CSMD3: variants seen among roughly 807,000 people sequenced by gnomAD.
CSMD3 encodes CUB and Sushi multiple domains 3.
CSMD3 carries 177 observed loss-of-function variants against 435.2 expected under a neutral mutation model. The observed-to-expected ratio is 0.41, with a 90% CI of 0.36 to 0.46. The LOEUF (loss-of-function observed/expected upper bound fraction) is 0.46, where lower values mean the gene tolerates loss of function less well. CSMD3 is among the 20% of genes least tolerant of loss of function. The pLI is 0.34. For missense variants in CSMD3, 4,265 were observed against 4,504.6 expected (o/e 0.95, Z 1.52); for synonymous variants, 1,656 against 1,520.5 (o/e 1.09, Z -2.07).
intron 3 of CSMD3, among the ~76,000 whole-genome samples, chr8:113,175,639 AT>A (rs2092336786): frequency 6.6e-6 from 1 of 151,992 alleles, no homozygotes; most frequent in South Asian, 2.1e-4. Context: ...GAAATACTTA[AT>A]TTTTTGGAAA....
intron 13 of CSMD3, among the ~76,000 whole-genome samples, chr8:112,745,190 T>G (rs2077399120): frequency 6.6e-6 from 1 of 152,034 alleles, no homozygotes; most frequent in South Asian, 2.1e-4. Context: ...TTAACACTGT[T>G]GAGTGTTTTC....
At chr8:112,838,489 G>A (rs577544449) in intron 11 of CSMD3, among the ~76,000 whole-genome samples, 11 of 151,770 alleles carry the variant, frequency 7.2e-5, no homozygotes, top group Admixed American at 1.3e-4. Context: ...AACTTGGACT[G>A]TGGAAGTAGG....
At chr8:112,795,846 T>C (rs2078815145) in intron 13 of CSMD3, among the ~76,000 whole-genome samples, 1 of 152,182 alleles carries the variant, frequency 6.6e-6, no homozygotes, top group Non-Finnish European at 1.5e-5. Flanking sequence ...CATTAAATAC[T>C]GTGGCCAAAT....
chr8:113,146,615 C>T (rs1043761153), intron 4 of CSMD3, among the ~76,000 whole-genome samples: 1 of 151,394 alleles, frequency 6.6e-6, no homozygotes, highest in Non-Finnish European at 1.5e-5. Flanking sequence ...AAAAGAAGAC[C>T]TTCAAGGGAA....
intron 5 of CSMD3, among the ~76,000 whole-genome samples, chr8:113,062,710 A>T (rs2088669217): frequency 6.6e-6 from 1 of 151,816 alleles, no homozygotes; most frequent in Non-Finnish European, 1.5e-5. Context: ...CTTTTGTTTG[A>T]CAAAAATCTA....
At chr8:112,762,323 A>C (rs928639544) in intron 13 of CSMD3, among the ~76,000 whole-genome samples, 1 of 151,956 alleles carries the variant, frequency 6.6e-6, no homozygotes, top group Non-Finnish European at 1.5e-5. Context: ...TCATAAATAA[A>C]GGATATCGGA....
intron 1 of CSMD3, among the ~76,000 whole-genome samples, chr8:113,394,093 C>T (rs542026724): frequency 1.3e-5 from 2 of 151,548 alleles, no homozygotes; most frequent in East Asian, 3.9e-4. Context: ...AGCTTGTTGG[C>T]AAGTACAAGT....
chr8:113,234,578 C>A lies in CSMD3; in HGVS notation c.514+44014G>T, dbSNP rs982935976. Among the ~76,000 whole-genome samples, 6 of 152,132 alleles carry A rather than the reference C, an allele frequency of 3.9e-5. No individual in the cohort carries two copies. The South Asian group carries it at 1.2e-3, about 32-fold the overall frequency. On this transcript the variant is annotated intron_variant, in intron 3 of 70. Coordinates refer to ENST00000297405, the MANE Select transcript of CSMD3 (RefSeq NM_198123.2). ...TTCTACTAGAACACAAGGAAGAATTCTAGGGCAATTCTACCACTTATAACA... is the reference window on the plus strand; with the variant it reads ...TTCTACTAGAACACAAGGAAGAATTATAGGGCAATTCTACCACTTATAACA...
intron 28 of CSMD3, among the ~76,000 whole-genome samples, chr8:112,508,153 C>G (rs987621535): frequency 1.3e-5 from 2 of 152,120 alleles, no homozygotes; most frequent in Non-Finnish European, 2.9e-5. Flanking sequence ...ATTTGTCTCC[C>G]TTACTTTTCC....
chr8:112,948,108 CT>C (rs33938771), intron 8 of CSMD3, among the ~76,000 whole-genome samples: 96,302 of 151,628 alleles, frequency 0.64, 32,445 homozygotes, highest in East Asian at 0.93. Context: ...TTGTATTAGT[CT>C]TGCCTATTAA....
chr8:112,226,780 C>A (rs951943933), intron 70 of CSMD3, among the ~76,000 whole-genome samples: 1 of 152,026 alleles, frequency 6.6e-6, no homozygotes, highest in Admixed American at 6.6e-5. Flanking sequence ...GGACAAAGGG[C>A]CAACAAGCAC....
intron 13 of CSMD3, among the ~76,000 whole-genome samples, chr8:112,755,128 G>C (rs967553702): frequency 3.3e-5 from 5 of 151,854 alleles, no homozygotes; most frequent in Non-Finnish European, 7.4e-5. Flanking sequence ...TCAGCAGATC[G>C]AGACCATCTT....
chr8:112,695,241 A>G (rs1334294011), intron 13 of CSMD3, among the ~76,000 whole-genome samples: 1 of 152,206 alleles, frequency 6.6e-6, no homozygotes, highest in Non-Finnish European at 1.5e-5. Context: ...ATAATTCCAC[A>G]CAGACATATC....
rs5894124 is a variant in CSMD3 at position 113,074,166 on chromosome 8, G to GAC, written c.917+24588_917+24589dup. On this transcript the variant is annotated intron_variant, in intron 5 of 70. Coordinates refer to ENST00000297405, the MANE Select transcript of CSMD3 (RefSeq NM_198123.2). Reference sequence around the variant, plus strand: ...AAATAAGACTTAAAGCACACACAGAGACACACACACACACACACACACACG... The same window carrying GAC: ...AAATAAGACTTAAAGCACACACAGAGACACACACACACACACACACACACACG... Among the ~76,000 whole-genome samples, 808 of 149,112 alleles carry GAC rather than the reference G, an allele frequency of 5.4e-3. 4 individuals carry two copies. Among genetic ancestry groups the GAC allele is most frequent in the Non-Finnish European group, 8.8e-3 (590 of 66,770 alleles).
intron 32 of CSMD3, among the ~76,000 whole-genome samples, chr8:112,463,229 G>T (rs1817629911): frequency 6.6e-6 from 1 of 152,108 alleles, no homozygotes; most frequent in South Asian, 2.1e-4. Context: ...GGGTGTGGTG[G>T]CACATACCTG....
At chr8:112,739,946 G>A (rs16884031) in intron 13 of CSMD3, among the ~76,000 whole-genome samples, 3,837 of 151,698 alleles carry the variant, frequency 0.025, 75 homozygotes, top group East Asian at 0.074. Context: ...ATATTATAAG[G>A]AAATGTGATA....
intron 41 of CSMD3, 106 bp downstream of exon 41, chr8:112,345,991 C>G: frequency 1.3e-6 from 1 of 787,476 alleles, no homozygotes; most frequent in South Asian, 1.4e-5. Flanking sequence ...CTAAACTAAA[C>G]TGCAATTTGT....
chr8:112,345,604 G>A (rs1453115751), intron 41 of CSMD3, among the ~76,000 whole-genome samples: 9 of 152,024 alleles, frequency 5.9e-5, no homozygotes, highest in Admixed American at 2.6e-4. Context: ...GAAAATGTTG[G>A]TTAAAGGGCA....
intron 11 of CSMD3, among the ~76,000 whole-genome samples, chr8:112,841,348 C>T (rs2080174159): frequency 6.6e-6 from 1 of 151,722 alleles, no homozygotes; most frequent in South Asian, 2.1e-4. Context: ...GAGGACTACT[C>T]ACTCTGTCTC....
Sources: allele counts gnomAD v4.1 joint callset (sites outside exome capture counted in the v4.1 genomes callset), GRCh38; gene constraint gnomAD v4.1.1; transcripts MANE v1.5; gene names NCBI Gene and HGNC (gene_info 2026-07-23, HGNC 2026-07-21).